Variants in IMMP2L observed in about 807,000 individuals in gnomAD.
IMMP2L encodes the protein mitochondrial inner membrane protease subunit 2.
Under a neutral mutation model 19.3 loss-of-function variants are expected in IMMP2L, and 18 were observed. That is an observed-to-expected ratio of 0.93 (90% CI 0.64 to 1.38). The LOEUF is 1.38. IMMP2L is among the 40% of genes most tolerant of loss of function. IMMP2L has a pLI of 0.00. For synonymous variants in IMMP2L, 76 were observed against 73.0 expected, an observed-to-expected ratio of 1.04 and a Z score of -0.21; for missense variants, 233 against 218.2, an observed-to-expected ratio of 1.07 and a Z score of -0.43.
intron 2 of IMMP2L, among the ~76,000 whole-genome samples, chr7:111,494,074 AAAT>A (rs1213903900): frequency 1.3e-5 from 2 of 152,194 alleles, no homozygotes; most frequent in African/African-American, 4.8e-5. Flanking sequence ...TAAAAGTCAT[AAAT>A]AATAATTTGA....
intron 5 of IMMP2L, among the ~76,000 whole-genome samples, chr7:110,822,279 A>G (rs976582691): frequency 1.3e-5 from 2 of 152,108 alleles, no homozygotes; most frequent in East Asian, 1.9e-4. Context: ...GCTCAACTCT[A>G]TCTTCATCCC....
At chr7:111,547,559 T>A (rs1348233406) in intron 1 of IMMP2L, among the ~76,000 whole-genome samples, 2 of 149,474 alleles carry the variant, frequency 1.3e-5, no homozygotes, top group South Asian at 2.2e-4. Context: ...AATTTTTTAT[T>A]TATTTAGGTT....
intron 5 of IMMP2L, among the ~76,000 whole-genome samples, chr7:110,693,758 G>A (rs114039339): frequency 3.0e-4 from 46 of 152,346 alleles, no homozygotes; most frequent in African/African-American, 1.1e-3. Context: ...TGAGTTTGAT[G>A]TAGGGAAGAA....
intron 2 of IMMP2L, among the ~76,000 whole-genome samples, chr7:111,496,796 T>C (rs1843634634): frequency 6.6e-6 from 1 of 152,112 alleles, no homozygotes; most frequent in African/African-American, 2.4e-5. Context: ...TGAGCCAAGC[T>C]ACCTGGACCT....
chr7:110,846,235 G>A (rs1402716869), intron 5 of IMMP2L, among the ~76,000 whole-genome samples: 3 of 151,834 alleles, frequency 2.0e-5, no homozygotes, highest in African/African-American at 7.3e-5. Flanking sequence ...CCTGAACAGC[G>A]AAGTGCCTTG....
At chr7:111,365,694 C>T (rs1354373953) in intron 3 of IMMP2L, among the ~76,000 whole-genome samples, 5 of 151,964 alleles carry the variant, frequency 3.3e-5, no homozygotes, top group Admixed American at 6.6e-5. Flanking sequence ...TTGTTGAAAC[C>T]GATTTTTATG....
At chr7:111,500,634 C>G (rs1287231075) in intron 2 of IMMP2L, among the ~76,000 whole-genome samples, 4 of 152,160 alleles carry the variant, frequency 2.6e-5, no homozygotes, top group Non-Finnish European at 4.4e-5. Context: ...CAGGCAGGAG[C>G]ATTTGCGGAT....
intron 5 of IMMP2L, among the ~76,000 whole-genome samples, chr7:110,867,846 T>C (rs1808135812): frequency 2.0e-5 from 3 of 151,990 alleles, no homozygotes; most frequent in Admixed American, 2.0e-4. Context: ...CTGAAGCTGG[T>C]TGATTTCTGA....
chr7:110,889,467 T>C (rs1810566518), intron 4 of IMMP2L, among the ~76,000 whole-genome samples: 1 of 152,140 alleles, frequency 6.6e-6, no homozygotes. Flanking sequence ...TTCATGCTCC[T>C]GTGACACTTT....
chr7:111,124,384 T>C, intron 3 of IMMP2L: 1 of 1,613,834 alleles, frequency 6.2e-7, no homozygotes, highest in South Asian at 1.1e-5. Context: ...CAATTCAGTT[T>C]TGGTGTCCTG....
intron 3 of IMMP2L, among the ~76,000 whole-genome samples, chr7:111,159,617 A>C (rs1805030794): frequency 6.6e-6 from 1 of 152,172 alleles, no homozygotes; most frequent in Non-Finnish European, 1.5e-5. Context: ...TAAATGGGGA[A>C]TAGAAGGCCT....
intron 3 of IMMP2L, among the ~76,000 whole-genome samples, chr7:111,037,531 G>C (rs1280761502): frequency 6.6e-6 from 1 of 152,048 alleles, no homozygotes; most frequent in Non-Finnish European, 1.5e-5. Context: ...TGTAGTAAAT[G>C]AATCATCCAG....
intron 3 of IMMP2L, among the ~76,000 whole-genome samples, chr7:111,073,006 T>G (rs973155983): frequency 6.6e-6 from 1 of 151,972 alleles, no homozygotes; most frequent in African/African-American, 2.4e-5. Context: ...ATAAGGAACA[T>G]TCTAGGAATA....
At chr7:110,705,161 T>G (rs1388485632) in intron 5 of IMMP2L, among the ~76,000 whole-genome samples, 1 of 152,156 alleles carries the variant, frequency 6.6e-6, no homozygotes, top group East Asian at 1.9e-4. Flanking sequence ...GAGTTTAAAA[T>G]GATCTATAAA....
intron 5 of IMMP2L, among the ~76,000 whole-genome samples, chr7:110,859,717 G>T (rs1807180836): frequency 6.6e-6 from 1 of 151,138 alleles, no homozygotes; most frequent in Non-Finnish European, 1.5e-5. Context: ...AAACTGGCCT[G>T]GGTACCTGGG....
chr7:111,442,556 G>A (rs377287482), intron 3 of IMMP2L, among the ~76,000 whole-genome samples: 4 of 151,692 alleles, frequency 2.6e-5, no homozygotes, highest in African/African-American at 9.7e-5. Flanking sequence ...ATCAAAGATG[G>A]CTACAAGATA....
Position 110,760,737 on chromosome 7 carries a change from C to T in IMMP2L, c.409-97016G>A, listed in dbSNP as rs1041215084. ...AAAATCTCTCATAGCACTTCAATACCTGGAATATCTCAAAAGGTTTGCTGA... is the reference window on the plus strand; with the variant it reads ...AAAATCTCTCATAGCACTTCAATACTTGGAATATCTCAAAAGGTTTGCTGA... On this transcript the variant is annotated intron_variant, in intron 5 of 5. Transcript: ENST00000405709. The surrounding 1 kb of genome is among the most constrained non-coding windows in gnomAD (Gnocchi z 4.2). Among the ~76,000 whole-genome samples, 4 of 151,966 alleles carry T rather than the reference C, an allele frequency of 2.6e-5. No homozygotes were observed. Among genetic ancestry groups the T allele is most frequent in the Admixed American group, 2.0e-4 (3 of 15,238 alleles).
At chr7:110,732,678 T>C (rs557452749) in intron 5 of IMMP2L, among the ~76,000 whole-genome samples, 7 of 152,328 alleles carry the variant, frequency 4.6e-5, no homozygotes, top group Non-Finnish European at 2.9e-5. Flanking sequence ...ATTTTTCTGA[T>C]AGAAAGTTAT....
chr7:111,255,107 C>G (rs1321451190), intron 3 of IMMP2L, among the ~76,000 whole-genome samples: 2 of 152,014 alleles, frequency 1.3e-5, no homozygotes, highest in South Asian at 2.1e-4. Flanking sequence ...CCACCCCAAT[C>G]CCACTATTTT....
Sources: gnomAD v4.1 joint callset for allele counts (sites outside exome capture counted in the v4.1 genomes callset) on GRCh38, gnomAD v4.1.1 for gene constraint, Gnocchi (gnomAD v3.1) non-coding constraint, MANE v1.5 for transcripts, NCBI Gene and HGNC (gene_info 2026-07-23, HGNC 2026-07-21) for gene names.